The following CHML variants were observed in gnomAD, a reference collection of about 807,000 sequenced individuals.
CHML encodes rab proteins geranylgeranyltransferase component A 2.
CHML carries 20 observed loss-of-function variants against 30.4 expected under a neutral mutation model. The observed-to-expected ratio is 0.66, with a 90% CI of 0.46 to 0.95. The LOEUF (loss-of-function observed/expected upper bound fraction) is 0.95, where lower values mean the gene tolerates loss of function less well. CHML is among the 40% of genes least tolerant of loss of function. CHML has a pLI of 0.00. For missense variants in CHML, 795 were observed against 768.5 expected (o/e 1.03, Z -0.41); for synonymous variants, 281 against 275.0 (o/e 1.02, Z -0.22).
In CHML at chr1:241,634,150, GTTTA is replaced by G; in HGVS notation, c.1613_1616del (p.Ile538ThrfsTer18). 6.2e-7 allele frequency: 1 copy of G among 1,613,452 alleles called. No homozygotes were observed. The highest frequency in any genetic ancestry group is 1.1e-5 in the South Asian group (1 of 90,978). The stretch of plus-strand genomic sequence containing the variant: ...GTCTTGGCTTTGTAAGTTCTTCCTC[GTTTA>G]TTTCTGTTTCAGTATACGGAGTGAA... On this transcript the variant is annotated frameshift_variant, in exon 2 of 2. Coordinates refer to ENST00000366553, the MANE Select transcript of CHML (RefSeq NM_001381853.1). LOFTEE classifies it high-confidence loss of function.
In CHML at chr1:241,630,681, TTA is replaced by T. The variant is rs1286341207; in HGVS notation, c.*3113_*3114del. On this transcript the variant is annotated 3_prime_UTR_variant, in exon 2 of 2. Transcript: ENST00000366553. Reference sequence around the variant, plus strand: ...TGTTTACTTTCCACTTGAGAAATGTTTATGTTTTCCCAGTAGGAATAATGGTA... The same window carrying T: ...TGTTTACTTTCCACTTGAGAAATGTTTGTTTTCCCAGTAGGAATAATGGTA... 5.3e-5 allele frequency: 8 copies of T among 152,252 alleles called. No individual in the cohort carries two copies. Among genetic ancestry groups the T allele is most frequent in the Admixed American group, 2.0e-4 (3 of 15,290 alleles). 9.4% of individuals were successfully genotyped at this position (152,252 alleles called of 1,614,324 possible). A position where few individuals can be genotyped will look rare whatever the true frequency, so the allele number is the denominator to read the frequency against.
chr1:241,634,715 C>T lies in CHML; in HGVS notation c.1052G>A (p.Cys351Tyr), dbSNP rs780716614. ...HSIAMTSESSCTTIDGLNATK... is the reference protein window; with the variant it reads ...HSIAMTSESSYTTIDGLNATK... Reference sequence around the variant, plus strand: ...TGCGTTAAGACCATCTATTGTAGTGCAAGATGATTCTGATGTCATTGCAAT... The same window carrying T: ...TGCGTTAAGACCATCTATTGTAGTGTAAGATGATTCTGATGTCATTGCAAT... Residue 351 changes from cysteine (C) to tyrosine (Y), a missense_variant, in exon 2 of 2, where the codon TGC (cysteine) becomes TAC (tyrosine). By Grantham distance (194) the Cys-to-Tyr change is radical. Transcript: ENST00000366553. 35 of 1,613,758 alleles carry T rather than the reference C, an allele frequency of 2.2e-5. No individual in the cohort carries two copies. The East Asian group carries it at 4.0e-4, about 18-fold the overall frequency.
In CHML at chr1:241,635,268, G is replaced by A. The variant is rs143212135; in HGVS notation, c.499C>T (p.Leu167=). Residue 167 remains leucine, a synonymous_variant, in exon 2 of 2, where the codon CTA becomes TTA. Transcript: ENST00000366553. ...GATTCCTCTACATCAGTTACTTCTA[G>A]TGAAATCTCTGTATCACTTTTCTGA... ...HTQKSDTEIS[L]EVTDVEESVE... is the part of the protein sequence containing the mutation. The A allele has an allele frequency of 4.0e-5, 65 of 1,613,770 alleles. No individual in the cohort carries two copies. In the East Asian group the frequency reaches 1.4e-3, roughly 34 times the overall value.
In CHML at chr1:241,640,204, C is replaced by G. The variant is rs1573971431; in HGVS notation, c.-630G>C. On this transcript the variant is annotated 5_prime_UTR_variant, in exon 1 of 2. Coordinates refer to ENST00000366553, the MANE Select transcript of CHML (RefSeq NM_001381853.1). ...GCGCCGGCCCCTCAGCGCCCGCGGCCCCGCCGCCGTCCCAGTAGCCGTGGC... is the reference window on the plus strand; with the variant it reads ...GCGCCGGCCCCTCAGCGCCCGCGGCGCCGCCGCCGTCCCAGTAGCCGTGGC... 1 of 1,363,616 alleles carries G rather than the reference C, an allele frequency of 7.3e-7. No homozygotes were observed. The highest frequency in any genetic ancestry group is 1.5e-5 in the African/African-American group (1 of 65,060). The allele number at this position is 1,363,616 out of a possible 1,614,324, so 84.5% of individuals were successfully genotyped here.
In CHML at chr1:241,633,633, C is replaced by G. The variant is rs1350322846; in HGVS notation, c.*163G>C. 10 of 728,024 alleles carry G rather than the reference C, an allele frequency of 1.4e-5. No homozygotes were observed. Among genetic ancestry groups the G allele is most frequent in the Non-Finnish European group, 2.2e-5 (10 of 450,610 alleles). 45.1% of individuals were successfully genotyped at this position (728,024 alleles called of 1,614,324 possible). A position where few individuals can be genotyped will look rare whatever the true frequency, so the allele number is the denominator to read the frequency against. ...AATAAATCACTCATTGATAGGTTAA[C>G]AAAGATATTCAATGCTGAATGTCTG... is the stretch of plus-strand genomic sequence containing the variant. On this transcript the variant is annotated 3_prime_UTR_variant, in exon 2 of 2. Transcript: ENST00000366553.
chr1:241,638,396 C>T (rs78290307), intron 1 of CHML, among the ~76,000 whole-genome samples: 3,334 of 152,216 alleles, frequency 0.022, 51 homozygotes, highest in South Asian at 0.037. Flanking sequence ...TGTTCAAACT[C>T]CCGGGCACGA....
chr1:241,637,584 C>T (rs577289296), intron 1 of CHML, among the ~76,000 whole-genome samples: 2 of 152,238 alleles, frequency 1.3e-5, no homozygotes, highest in East Asian at 1.9e-4. Flanking sequence ...AAAGACAGGG[C>T]TCAGGGTAGG....
At position 241,640,140 on chromosome 1, in the gene CHML, C is replaced by T; in HGVS notation, c.-566G>A. Reference sequence around the variant, plus strand: ...AGCAGCGCCAGGCGCTCGTAGGTGCCGGGGCTGAAGAGGGGCGCGGGGCTC... The same window carrying T: ...AGCAGCGCCAGGCGCTCGTAGGTGCTGGGGCTGAAGAGGGGCGCGGGGCTC... On this transcript the variant is annotated 5_prime_UTR_variant, in exon 1 of 2. Transcript: ENST00000366553. 1.3e-6 allele frequency: 2 copies of T among 1,575,562 alleles called. No homozygotes were observed. The highest frequency in any genetic ancestry group is 1.1e-5 in the South Asian group (1 of 87,040).
Position 241,634,030 on chromosome 1 carries a change from C to A in CHML, c.1737G>T (p.Gly579=). The A allele has an allele frequency of 6.2e-7, 1 of 1,613,614 alleles. No homozygotes were observed. Among genetic ancestry groups the A allele is most frequent in the Non-Finnish European group, 8.5e-7 (1 of 1,179,810 alleles). Residue 579 remains glycine, a synonymous_variant, in exon 2 of 2, where the codon GGG becomes GGT. Coordinates refer to ENST00000366553, the MANE Select transcript of CHML (RefSeq NM_001381853.1). ...GCTCATTTCCCAGGCCACAGTCAGGCCCAGAGCAGACATAAACATTGGAAG... is the reference window on the plus strand; with the variant it reads ...GCTCATTTCCCAGGCCACAGTCAGGACCAGAGCAGACATAAACATTGGAAG... ...GLPSNVYVCS[G]PDCGLGNEHA... is the part of the protein sequence containing the mutation.
In CHML at chr1:241,634,136, G is replaced by T. The variant is rs767840796; in HGVS notation, c.1631C>A (p.Thr544Lys). The change falls in exon 2 of 2, where the codon ACA becomes AAA. Residue 544 changes from threonine to lysine, a missense_variant. Transcript: ENST00000366553. Reference sequence around the variant, plus strand: ...AAGAGCCCACAAGAGTCTTGGCTTTGTAAGTTCTTCCTCGTTTATTTCTGT... The same window carrying T: ...AAGAGCCCACAAGAGTCTTGGCTTTTTAAGTTCTTCCTCGTTTATTTCTGT... ...TETEINEEEL[T>K]KPRLLWALYF... is the part of the protein sequence containing the mutation. 6 of 1,613,056 alleles carry T rather than the reference G, an allele frequency of 3.7e-6. No homozygotes were observed. The highest frequency in any genetic ancestry group is 5.1e-6 in the Non-Finnish European group (6 of 1,179,680).
At position 241,640,296 on chromosome 1, in the gene CHML, T is replaced by G. The variant is rs1433569459; in HGVS notation, c.-722A>C. The G allele has an allele frequency of 7.1e-5, 80 of 1,133,150 alleles. No individual in the cohort carries two copies. The East Asian group carries it at 3.2e-3, about 46-fold the overall frequency. The allele number at this position is 1,133,150 out of a possible 1,614,324, so 70.2% of individuals were successfully genotyped here. A position where few individuals can be genotyped will look rare whatever the true frequency, so the allele number is the denominator to read the frequency against. On this transcript the variant is annotated 5_prime_UTR_variant, in exon 1 of 2. Transcript: ENST00000366553. ...GCCTGGCGGGCGGAGGCGCTCAGCTTGCGGCGGGGCTCGCGGCGCGCTCCG... is the reference window on the plus strand; with the variant it reads ...GCCTGGCGGGCGGAGGCGCTCAGCTGGCGGCGGGGCTCGCGGCGCGCTCCG...
At position 241,630,835 on chromosome 1, in the gene CHML, A is replaced by G. The variant is rs530819991; in HGVS notation, c.*2961T>C. 1 of 152,080 alleles carries G rather than the reference A, an allele frequency of 6.6e-6. No individual in the cohort carries two copies. The highest frequency in any genetic ancestry group is 2.4e-5 in the African/African-American group (1 of 41,436). 9.4% of individuals were successfully genotyped at this position (152,080 alleles called of 1,614,324 possible). A position where few individuals can be genotyped will look rare whatever the true frequency, so the allele number is the denominator to read the frequency against. On this transcript the variant is annotated 3_prime_UTR_variant, in exon 2 of 2. Coordinates refer to ENST00000366553, the MANE Select transcript of CHML (RefSeq NM_001381853.1). ...TGTAATTAATACTTTGGATTTTACT[A>G]TTTGTTCTTTTGATGCTGATTTAAT...
rs911830187 is a variant in CHML at position 241,635,471 on chromosome 1, G to C, written c.296C>G (p.Thr99Arg). Residue 99 changes from threonine (T) to arginine (R), a missense_variant, in exon 2 of 2, where the codon ACA becomes AGA. Transcript: ENST00000366553. ...CTGACTGGCGTAGCAAAAAGCTTCTGTGTGTTGAATAGTTTCATCCTTCTT... is the reference window on the plus strand; with the variant it reads ...CTGACTGGCGTAGCAAAAAGCTTCTCTGTGTTGAATAGTTTCATCCTTCTT... ...LRKKDETIQH[T>R]EAFCYASQDM... is the part of the protein sequence containing the mutation. The C allele has an allele frequency of 2.5e-6, 4 of 1,613,724 alleles. No homozygotes were observed. The Admixed American group carries it at 6.7e-5, about 27-fold the overall frequency.
intron 1 of CHML, among the ~76,000 whole-genome samples, chr1:241,639,015 A>G (rs979025901): frequency 2.0e-5 from 3 of 152,242 alleles, no homozygotes; most frequent in South Asian, 4.1e-4. Context: ...TTTCCTTTCT[A>G]CGCTTCCTTC....
Position 241,640,357 on chromosome 1 carries a change from G to A in CHML, c.-783C>T, listed in dbSNP as rs1665082361. On this transcript the variant is annotated 5_prime_UTR_variant, in exon 1 of 2. Coordinates refer to ENST00000366553, the MANE Select transcript of CHML (RefSeq NM_001381853.1). ...GGTTGGGGCTCCGCCGCCTGCTCTA[G>A]CCATTGTGCACTGAGGGGCCCGCGC... 6.7e-6 allele frequency: 7 copies of A among 1,042,232 alleles called. 1 individual carries two copies. The South Asian group carries it at 2.3e-4, about 34-fold the overall frequency. The allele number at this position is 1,042,232 out of a possible 1,614,324, so 64.6% of individuals were successfully genotyped here.
At position 241,632,583 on chromosome 1, in the gene CHML, T is replaced by C. The variant is rs1456910813; in HGVS notation, c.*1213A>G. 1 of 152,128 alleles carries C rather than the reference T, an allele frequency of 6.6e-6. No homozygotes were observed. The highest frequency in any genetic ancestry group is 1.5e-5 in the Non-Finnish European group (1 of 67,996). The allele number at this position is 152,128 out of a possible 1,614,324, so 9.4% of individuals were successfully genotyped here. On this transcript the variant is annotated 3_prime_UTR_variant, in exon 2 of 2. Coordinates refer to ENST00000366553, the MANE Select transcript of CHML (RefSeq NM_001381853.1). Reference sequence around the variant, plus strand: ...CACCATTAGAGTACTACCAGTTTTATGACGTTGGGTGGCTCTGGGAGAAAA... The same window carrying C: ...CACCATTAGAGTACTACCAGTTTTACGACGTTGGGTGGCTCTGGGAGAAAA...
chr1:241,633,663 T>C lies in CHML; in HGVS notation c.*133A>G. On this transcript the variant is annotated 3_prime_UTR_variant, in exon 2 of 2. Transcript: ENST00000366553. ...ATATTCAATGCTGAATGTCTGAGAG[T>C]TAAAGACAACATCTGCATAGCATTC... The C allele has an allele frequency of 1.1e-6, 1 of 893,740 alleles. No individual in the cohort carries two copies. Among genetic ancestry groups the C allele is most frequent in the South Asian group, 1.6e-5 (1 of 61,036 alleles). The allele number at this position is 893,740 out of a possible 1,614,324, so 55.4% of individuals were successfully genotyped here.
chr1:241,635,247 C>T lies in CHML; in HGVS notation c.520G>A (p.Glu174Lys). Reference sequence around the variant, plus strand: ...CAATACTTTTCCTTCTCCACTGATTCCTCTACATCAGTTACTTCTAGTGAA... The same window carrying T: ...CAATACTTTTCCTTCTCCACTGATTTCTCTACATCAGTTACTTCTAGTGAA... ...EISLEVTDVE[E>K]SVEKEKYCGD... Residue 174 changes from glutamate to lysine, a missense_variant, in exon 2 of 2, where the codon GAA becomes AAA. Coordinates refer to ENST00000366553, the MANE Select transcript of CHML (RefSeq NM_001381853.1). The T allele has an allele frequency of 6.2e-7, 1 of 1,613,842 alleles. No individual in the cohort carries two copies. The highest frequency in any genetic ancestry group is 8.5e-7 in the Non-Finnish European group (1 of 1,179,926).
Position 241,635,983 on chromosome 1 carries a change from C to G in CHML, c.-217G>C, listed in dbSNP as rs1276573046. On this transcript the variant is annotated 5_prime_UTR_variant, in exon 2 of 2. The change abolishes the stop of an existing upstream ORF in the 5' untranslated region. Transcript: ENST00000366553. ...GTACATCTAATCACATCTGAGAATA[C>G]TAAAATGGATGTGTGGTTTCATTTC... 1 of 509,682 alleles carries G rather than the reference C, an allele frequency of 2.0e-6. No individual in the cohort carries two copies. The highest frequency in any genetic ancestry group is 2.0e-5 in the African/African-American group (1 of 50,522). 31.6% of individuals were successfully genotyped at this position (509,682 alleles called of 1,614,324 possible).
Sources: gnomAD v4.1 joint callset for allele counts (sites outside exome capture counted in the v4.1 genomes callset) on GRCh38, gnomAD v4.1.1 for gene constraint, MANE v1.5 for transcripts, NCBI Gene and HGNC (gene_info 2026-07-23, HGNC 2026-07-21) for gene names.